Variants in PDK1 observed in about 807,000 individuals in gnomAD.
PDK1 encodes the protein pyruvate dehydrogenase kinase 1.
PDK1 carries 39 observed loss-of-function variants against 54.2 expected under a neutral mutation model. That is an observed-to-expected ratio of 0.72 (90% CI 0.56 to 0.94). The LOEUF is 0.94. Among genes scored for constraint, PDK1 ranks in the 40% least tolerant of loss-of-function variants. The probability of loss-of-function intolerance (pLI) is 0.00; values close to 1 mark genes in which losing one functional copy is unlikely to be tolerated. For missense variants in PDK1, 552 were observed against 566.0 expected (o/e 0.98, Z 0.25); for synonymous variants, 221 against 207.1 (o/e 1.07, Z -0.58).
chr2:172,663,870 C>A, the PDK1 span, among the ~76,000 whole-genome samples: 2 of 152,084 alleles, frequency 1.3e-5, no homozygotes, highest in Non-Finnish European at 2.9e-5. Context: ...TAGACAAGGA[C>A]CCCATCTTTA....
intron 10 of PDK1, 58 bp downstream of exon 10, chr2:172,593,106 A>T: frequency 1.1e-6 from 1 of 878,502 alleles, no homozygotes; most frequent in Middle Eastern, 2.3e-4. Context: ...ACAGATGTCC[A>T]TACTTAACTG....
At chr2:172,669,461 T>TA in the PDK1 span, among the ~76,000 whole-genome samples, 2 of 152,212 alleles carry the variant, frequency 1.3e-5, no homozygotes, top group South Asian at 2.1e-4. Context: ...TTAGCTATTG[T>TA]AAAAAATGCT....
At chr2:172,623,268 A>G in the PDK1 span, among the ~76,000 whole-genome samples, 3 of 152,168 alleles carry the variant, frequency 2.0e-5, no homozygotes, top group Non-Finnish European at 2.9e-5. Flanking sequence ...TCATTCCACT[A>G]AGTGTACAGA....
the PDK1 span, among the ~76,000 whole-genome samples, chr2:172,715,764 T>C: frequency 1.3e-5 from 2 of 152,190 alleles, no homozygotes; most frequent in Admixed American, 1.3e-4. Flanking sequence ...CCCAAGAAAG[T>C]AGTATAATAA....
rs1030363839 is a variant in PDK1 at position 172,597,535 on chromosome 2, C to T, written c.*1566C>T. The T allele has an allele frequency of 1.3e-5, 2 of 152,184 alleles. No homozygotes were observed. The highest frequency in any genetic ancestry group is 4.8e-5 in the African/African-American group (2 of 41,456). The allele number at this position is 152,184 out of a possible 1,614,324, so 9.4% of individuals were successfully genotyped here. ...TATGGTAATTTGTACTTTACAAATA[C>T]TTTGATATATTATAACTCTATTGGT... On this transcript the variant is annotated 3_prime_UTR_variant, in exon 11 of 11. Coordinates refer to ENST00000282077, the MANE Select transcript of PDK1 (RefSeq NM_002610.5).
rs759441172 is a variant in PDK1 at position 172,603,313 on chromosome 2, G to A, written c.*7344G>A. 23 of 152,190 alleles carry A rather than the reference G, an allele frequency of 1.5e-4. No individual in the cohort carries two copies. Among genetic ancestry groups the A allele is most frequent in the Admixed American group, 3.3e-4 (5 of 15,272 alleles). The allele number at this position is 152,190 out of a possible 1,614,324, so 9.4% of individuals were successfully genotyped here. A position where few individuals can be genotyped will look rare whatever the true frequency, so the allele number is the denominator to read the frequency against. ...AAGAAGGATCTATTCCTGATATACA[G>A]GGTACTTGGTGGATGTGTCCATGAC... On this transcript the variant is annotated 3_prime_UTR_variant, in exon 11 of 11. Transcript: ENST00000282077.
At chr2:172,622,525 A>G in the PDK1 span, among the ~76,000 whole-genome samples, 1 of 141,584 alleles carries the variant, frequency 7.1e-6, no homozygotes, top group Admixed American at 7.5e-5. Context: ...TGTTTATATC[A>G]TATATTATGT....
At chr2:172,567,886 C>T (rs1476334151) in intron 6 of PDK1, among the ~76,000 whole-genome samples, 1 of 152,208 alleles carries the variant, frequency 6.6e-6, no homozygotes. Flanking sequence ...CTATCACCAC[C>T]CCCAGTGGGG....
At chr2:172,657,839 A>G in the PDK1 span, among the ~76,000 whole-genome samples, 1 of 152,304 alleles carries the variant, frequency 6.6e-6, no homozygotes, top group African/African-American at 2.4e-5. Flanking sequence ...GAAGCTGGGT[A>G]ATTTATAAGG....
At chr2:172,613,535 G>T (rs1010460519), downstream of PDK1, among the ~76,000 whole-genome samples, 2 of 151,950 alleles carry the variant, frequency 1.3e-5, no homozygotes, top group Admixed American at 6.6e-5. Context: ...GCTCACTGCA[G>T]CGTCAAACAC....
At chr2:172,690,194 A>G in the PDK1 span, among the ~76,000 whole-genome samples, 1 of 150,718 alleles carries the variant, frequency 6.6e-6, no homozygotes. Context: ...GGCAAAGGAT[A>G]TGAAAAGACA....
intron 3 of PDK1, chr2:172,562,759 G>A (rs1302570732): frequency 1.2e-6 from 2 of 1,600,914 alleles, no homozygotes; most frequent in African/African-American, 1.3e-5. Context: ...GAAGAACATG[G>A]TTGCAGGTCT....
At chr2:172,660,883 C>A in the PDK1 span, among the ~76,000 whole-genome samples, 1 of 152,030 alleles carries the variant, frequency 6.6e-6, no homozygotes, top group Admixed American at 6.5e-5. Context: ...AGAGTTCCAG[C>A]TCTGGACTTA....
Position 172,601,936 on chromosome 2 carries a change from A to G in PDK1, c.*5967A>G, listed in dbSNP as rs572652897. 6.6e-6 allele frequency: 1 copy of G among 152,356 alleles called. No homozygotes were observed. The highest frequency in any genetic ancestry group is 1.9e-4 in the East Asian group (1 of 5,190). 9.4% of individuals were successfully genotyped at this position (152,356 alleles called of 1,614,324 possible). ...GATAAAAATTTTGTAAGTGGAGAAG[A>G]AATGGATATATTTCTAGGAAAACAG... is the stretch of plus-strand genomic sequence containing the variant. On this transcript the variant is annotated 3_prime_UTR_variant, in exon 11 of 11. Coordinates refer to ENST00000282077, the MANE Select transcript of PDK1 (RefSeq NM_002610.5).
chr2:172,659,115 T>G, the PDK1 span, among the ~76,000 whole-genome samples: 1 of 152,158 alleles, frequency 6.6e-6, no homozygotes, highest in African/African-American at 2.4e-5. Flanking sequence ...GTGGCTCAGG[T>G]GGGCATCACA....
the PDK1 span, among the ~76,000 whole-genome samples, chr2:172,614,058 C>T: frequency 6.6e-6 from 1 of 152,154 alleles, no homozygotes; most frequent in Non-Finnish European, 1.5e-5. Context: ...CAAGCAGGAG[C>T]CCTGCCCCTT....
chr2:172,633,303 C>G, the PDK1 span, among the ~76,000 whole-genome samples: 1 of 151,466 alleles, frequency 6.6e-6, no homozygotes, highest in African/African-American at 2.4e-5. Context: ...CTGCCGTGAC[C>G]TTCCAAAGCA....
the PDK1 span, among the ~76,000 whole-genome samples, chr2:172,691,886 A>T: frequency 6.6e-6 from 1 of 152,246 alleles, no homozygotes; most frequent in Non-Finnish European, 1.5e-5. Flanking sequence ...ATCCATGTGT[A>T]GTTTTTGTGT....
chr2:172,573,063 G>A (rs1689370346), intron 8 of PDK1, among the ~76,000 whole-genome samples: 1 of 152,144 alleles, frequency 6.6e-6, no homozygotes, highest in African/African-American at 2.4e-5. Context: ...GAATGTTTGT[G>A]TACAAATTAT....
Sources: gnomAD v4.1 joint callset for allele counts (sites outside exome capture counted in the v4.1 genomes callset) on GRCh38, gnomAD v4.1.1 for gene constraint, MANE v1.5 for transcripts, NCBI Gene and HGNC (gene_info 2026-07-23, HGNC 2026-07-21) for gene names.